The following ELAVL2 variants were observed in gnomAD, a reference collection of about 807,000 sequenced individuals.
ELAVL2 encodes ELAV like RNA binding protein 2.
In ELAVL2, 4 loss-of-function variants were observed where a neutral mutation model predicts 34.6. That is an observed-to-expected ratio of 0.12 (90% CI 0.06 to 0.26). The LOEUF (loss-of-function observed/expected upper bound fraction) is 0.26, where lower values mean the gene tolerates loss of function less well. Among genes scored for constraint, ELAVL2 ranks in the 10% least tolerant of loss-of-function variants. The pLI, the probability that ELAVL2 is intolerant of heterozygous loss-of-function variation, is 1.00. For synonymous variants in ELAVL2, 193 were observed against 154.8 expected (o/e 1.25, Z -1.83); for missense variants, 432 against 442.8 (o/e 0.98, Z 0.22).
chr9:23,790,163 G>T (rs998070773), intron 1 of ELAVL2, among the ~76,000 whole-genome samples: 2 of 151,938 alleles, frequency 1.3e-5, no homozygotes, highest in Non-Finnish European at 2.9e-5. Flanking sequence ...TCCGAGTGCT[G>T]TTTTGTACTG....
At chr9:23,698,948 G>C (rs1262557161) in intron 5 of ELAVL2, among the ~76,000 whole-genome samples, 1 of 152,102 alleles carries the variant, frequency 6.6e-6, no homozygotes, top group African/African-American at 2.4e-5. Flanking sequence ...TGAGAAATGG[G>C]GTGAATGGGA....
chr9:23,753,726 G>A (rs889999387), intron 2 of ELAVL2, among the ~76,000 whole-genome samples: 14 of 151,986 alleles, frequency 9.2e-5, no homozygotes, highest in Admixed American at 4.6e-4. Context: ...ATTGAGAATG[G>A]TGTCTCTTCT....
At chr9:23,752,175 G>C (rs1402776853) in intron 2 of ELAVL2, among the ~76,000 whole-genome samples, 1 of 152,176 alleles carries the variant, frequency 6.6e-6, no homozygotes, top group African/African-American at 2.4e-5. Flanking sequence ...ACAGGAAAGA[G>C]AGACAGTACC....
intron 3 of ELAVL2, among the ~76,000 whole-genome samples, chr9:23,709,244 T>C (rs1563996711): frequency 1.3e-5 from 2 of 152,238 alleles, no homozygotes; most frequent in African/African-American, 2.4e-5. Flanking sequence ...GTCATCAAAA[T>C]CCTCCCTTCC....
chr9:23,739,117 C>A (rs1461628990), intron 2 of ELAVL2, among the ~76,000 whole-genome samples: 1 of 152,130 alleles, frequency 6.6e-6, no homozygotes, highest in African/African-American at 2.4e-5. Flanking sequence ...ATCTTGCATC[C>A]AAGACCAGGA....
the ELAVL2 span, among the ~76,000 whole-genome samples, chr9:23,841,235 A>G: frequency 6.6e-6 from 1 of 152,076 alleles, no homozygotes; most frequent in Admixed American, 6.6e-5. Flanking sequence ...GATGATGAGG[A>G]GGTGAGGAAA....
At chr9:23,839,805 T>C in the ELAVL2 span, among the ~76,000 whole-genome samples, 1 of 152,180 alleles carries the variant, frequency 6.6e-6, no homozygotes, top group Non-Finnish European at 1.5e-5. Flanking sequence ...CAAAACATTT[T>C]ACCTATAATT....
At chr9:23,724,072 T>C (rs759366494) in intron 3 of ELAVL2, among the ~76,000 whole-genome samples, 9 of 152,232 alleles carry the variant, frequency 5.9e-5, no homozygotes, top group African/African-American at 9.6e-5. Flanking sequence ...TTTTCTGGTA[T>C]AGACCATACT....
intron 1 of ELAVL2, among the ~76,000 whole-genome samples, chr9:23,764,358 C>T (rs1303042774): frequency 6.6e-6 from 1 of 152,126 alleles, no homozygotes; most frequent in Non-Finnish European, 1.5e-5. Context: ...CATTTATTTC[C>T]ATGTTCAGGT....
At chr9:23,702,744 C>A (rs1370136859) in intron 4 of ELAVL2, among the ~76,000 whole-genome samples, 1 of 151,772 alleles carries the variant, frequency 6.6e-6, no homozygotes, top group African/African-American at 2.4e-5. Flanking sequence ...GCATGCATTG[C>A]ACATTATTAC....
intron 1 of ELAVL2, among the ~76,000 whole-genome samples, chr9:23,806,941 A>T (rs2062307387): frequency 6.6e-6 from 1 of 152,174 alleles, no homozygotes; most frequent in African/African-American, 2.4e-5. Context: ...TCAAGAGTAG[A>T]GGTTACTGTC....
intron 3 of ELAVL2, among the ~76,000 whole-genome samples, chr9:23,707,818 G>A (rs1011694445): frequency 2.0e-5 from 3 of 152,110 alleles, no homozygotes; most frequent in African/African-American, 7.2e-5. Context: ...ACCTCTACAT[G>A]CATCTGAAAA....
At chr9:23,740,625 C>T (rs2135153256) in intron 2 of ELAVL2, among the ~76,000 whole-genome samples, 1 of 151,176 alleles carries the variant, frequency 6.6e-6, no homozygotes, top group Admixed American at 6.6e-5. Context: ...TTTCTTAATC[C>T]ATCCAAGAGA....
chr9:23,736,258 G>T (rs906926146), intron 2 of ELAVL2, among the ~76,000 whole-genome samples: 1 of 151,740 alleles, frequency 6.6e-6, no homozygotes, highest in African/African-American at 2.4e-5. Flanking sequence ...ACAAAATTGT[G>T]GAAAATAAAA....
At chr9:23,713,230 G>C (rs554036698) in intron 3 of ELAVL2, among the ~76,000 whole-genome samples, 23 of 152,300 alleles carry the variant, frequency 1.5e-4, no homozygotes, top group African/African-American at 5.3e-4. Flanking sequence ...ACATGGTAAA[G>C]ATATTCTTGA....
intron 1 of ELAVL2, among the ~76,000 whole-genome samples, chr9:23,815,353 T>C (rs530293242): frequency 4.5e-4 from 68 of 152,290 alleles, no homozygotes; most frequent in Non-Finnish European, 5.9e-4. Context: ...ATCATAGGTA[T>C]AAATATGTCT....
intron 2 of ELAVL2, chr9:23,735,134 A>G (rs559758851): frequency 7.4e-6 from 1 of 135,110 alleles, no homozygotes; most frequent in African/African-American, 2.8e-5. Flanking sequence ...AAAAGCCCTT[A>G]AGAAAAACAA....
intron 1 of ELAVL2, among the ~76,000 whole-genome samples, chr9:23,790,228 A>C (rs929737174): frequency 1.3e-5 from 2 of 152,154 alleles, no homozygotes; most frequent in Non-Finnish European, 2.9e-5. Flanking sequence ...TGAGACAGAA[A>C]ATCTTGAAAT....
At chr9:23,713,979 T>C (rs2041681243) in intron 3 of ELAVL2, among the ~76,000 whole-genome samples, 1 of 152,202 alleles carries the variant, frequency 6.6e-6, no homozygotes, top group Non-Finnish European at 1.5e-5. Flanking sequence ...TTAATCACAG[T>C]ACTTACCTCA....
Sources: allele counts gnomAD v4.1 joint callset (sites outside exome capture counted in the v4.1 genomes callset), GRCh38; gene constraint gnomAD v4.1.1; transcripts MANE v1.5; gene names NCBI Gene and HGNC (gene_info 2026-07-23, HGNC 2026-07-21).